Variants in PSMD14 observed in about 807,000 individuals in gnomAD.
The protein encoded by PSMD14 is ubiquitin C-terminal hydrolase PSMD14.
In PSMD14, 7 loss-of-function variants were observed where a neutral mutation model predicts 41.2. The ratio of observed to expected loss-of-function variants is 0.17; its 90% CI spans 0.10 to 0.32. The LOEUF (loss-of-function observed/expected upper bound fraction) is 0.32, where lower values mean the gene tolerates loss of function less well. Ranked by LOEUF, PSMD14 falls within the 10% of genes least tolerant of loss-of-function variation. PSMD14 has a pLI of 1.00. For synonymous variants in PSMD14, 114 were observed against 122.3 expected (o/e 0.93, Z 0.45); for missense variants, 139 against 375.6 (o/e 0.37, Z 5.21).
chr2:161,382,705 G>A (rs1683584202), intron 7 of PSMD14: 1 of 151,630 alleles, frequency 6.6e-6, no homozygotes, highest in Non-Finnish European at 1.5e-5. Context: ...TAGCTCAGAG[G>A]TTTTCGTTAT....
Position 161,411,488 on chromosome 2 carries a change from A to G in PSMD14, c.*88A>G. The G allele has an allele frequency of 2.3e-6, 2 of 875,728 alleles. No individual in the cohort carries two copies. The highest frequency in any genetic ancestry group is 2.1e-5 in the South Asian group (1 of 46,958). The allele number at this position is 875,728 out of a possible 1,614,324, so 54.2% of individuals were successfully genotyped here. On this transcript the variant is annotated 3_prime_UTR_variant, in exon 12 of 12. Coordinates refer to ENST00000409682, the MANE Select transcript of PSMD14 (RefSeq NM_005805.6). ...AAAATCAAGGGACCTCTGAAGGTGT[A>G]CTTGGCTAAATGTAAGACATCTGGC...
At chr2:161,323,612 A>C (rs1204781764) in intron 3 of PSMD14, among the ~76,000 whole-genome samples, 1 of 152,054 alleles carries the variant, frequency 6.6e-6, no homozygotes, top group East Asian at 1.9e-4. Context: ...GCAGTGAGCC[A>C]AGGTAGTACC....
intron 7 of PSMD14, among the ~76,000 whole-genome samples, chr2:161,377,478 A>G (rs1683519023): frequency 6.6e-6 from 1 of 151,918 alleles, no homozygotes; most frequent in Non-Finnish European, 1.5e-5. Context: ...TAATTTGCCT[A>G]TACTATTTAT....
intron 11 of PSMD14, 74 bp downstream of exon 11, chr2:161,408,973 C>G (rs1683991174): frequency 1.6e-6 from 2 of 1,250,322 alleles, no homozygotes; most frequent in South Asian, 1.4e-5. Flanking sequence ...GTTTTAGGGC[C>G]TATATAATTT....
intron 5 of PSMD14, 118 bp downstream of exon 5, chr2:161,368,021 A>T: frequency 1.7e-6 from 2 of 1,202,322 alleles, no homozygotes; most frequent in South Asian, 3.5e-5. Context: ...AAAATTAATC[A>T]TAAGTTTGAT....
intron 7 of PSMD14, among the ~76,000 whole-genome samples, chr2:161,375,835 G>A (rs1159839572): frequency 6.6e-6 from 1 of 151,686 alleles, no homozygotes; most frequent in East Asian, 1.9e-4. Flanking sequence ...AGTTTGAGAC[G>A]AGCCTGTGCG....
At chr2:161,341,869 A>AT (rs1559042630) in intron 3 of PSMD14, among the ~76,000 whole-genome samples, 3 of 137,262 alleles carry the variant, frequency 2.2e-5, no homozygotes, top group Non-Finnish European at 4.7e-5. Context: ...AATTAAAAAA[A>AT]ATATATATGT....
intron 3 of PSMD14, among the ~76,000 whole-genome samples, chr2:161,353,362 A>G (rs928945696): frequency 6.6e-6 from 1 of 152,204 alleles, no homozygotes; most frequent in African/African-American, 2.4e-5. Flanking sequence ...TTTAAAGATG[A>G]CCTTGCTTAT....
At chr2:161,331,061 A>G (rs1210860018) in intron 3 of PSMD14, among the ~76,000 whole-genome samples, 1 of 152,160 alleles carries the variant, frequency 6.6e-6, no homozygotes, top group Admixed American at 6.5e-5. Flanking sequence ...CTTCATAGGA[A>G]ACAACATATT....
chr2:161,372,724 C>T (rs1020294279), intron 7 of PSMD14, among the ~76,000 whole-genome samples: 4 of 151,824 alleles, frequency 2.6e-5, no homozygotes, highest in African/African-American at 9.7e-5. Flanking sequence ...ATATTTGATG[C>T]CTCTTAAGTT....
chr2:161,341,631 A>T (rs899904144), intron 3 of PSMD14, among the ~76,000 whole-genome samples: 5 of 151,486 alleles, frequency 3.3e-5, no homozygotes, highest in African/African-American at 1.2e-4. Context: ...CGAGGGCAGG[A>T]GATTGAGACC....
At chr2:161,310,879 G>A (rs765612101) in intron 1 of PSMD14, among the ~76,000 whole-genome samples, 1 of 152,176 alleles carries the variant, frequency 6.6e-6, no homozygotes, top group Non-Finnish European at 1.5e-5. Flanking sequence ...GTGTCAAGCT[G>A]CTTCTACCCA....
At chr2:161,407,451 A>G (rs1470187564) in intron 10 of PSMD14, 1 of 152,142 alleles carries the variant, frequency 6.6e-6, no homozygotes, top group African/African-American at 2.4e-5. Context: ...CAGTAGATAC[A>G]ATACCTATTC....
At chr2:161,327,188 A>G (rs542981696) in intron 3 of PSMD14, among the ~76,000 whole-genome samples, 1 of 152,298 alleles carries the variant, frequency 6.6e-6, no homozygotes, top group African/African-American at 2.4e-5. Context: ...TAGAAAGCAG[A>G]ATGGTAGTTG....
intron 3 of PSMD14, among the ~76,000 whole-genome samples, chr2:161,363,205 A>G (rs1289271259): frequency 1.3e-5 from 2 of 152,194 alleles, no homozygotes; most frequent in African/African-American, 4.8e-5. Flanking sequence ...CTGAGGTGAA[A>G]CAGTTTCATC....
At chr2:161,357,308 A>C (rs1325788038) in intron 3 of PSMD14, among the ~76,000 whole-genome samples, 2 of 152,120 alleles carry the variant, frequency 1.3e-5, no homozygotes, top group Non-Finnish European at 2.9e-5. Context: ...AATTCATAAC[A>C]GGTTTTATAT....
chr2:161,316,845 C>T (rs1190076666), intron 2 of PSMD14, among the ~76,000 whole-genome samples: 1 of 152,066 alleles, frequency 6.6e-6, no homozygotes, highest in African/African-American at 2.4e-5. Context: ...ACAAATTTGA[C>T]CTGCCAGATT....
At chr2:161,327,538 T>C (rs1344265735) in intron 3 of PSMD14, among the ~76,000 whole-genome samples, 2 of 152,136 alleles carry the variant, frequency 1.3e-5, no homozygotes, top group East Asian at 1.9e-4. Flanking sequence ...CCCCCATTTT[T>C]TGGGGCAGAA....
chr2:161,374,438 T>G (rs1683478263), intron 7 of PSMD14, among the ~76,000 whole-genome samples: 1 of 151,978 alleles, frequency 6.6e-6, no homozygotes, highest in African/African-American at 2.4e-5. Flanking sequence ...AAATACACTA[T>G]ATGATAAAGA....
Sources: gnomAD v4.1 joint callset for allele counts (sites outside exome capture counted in the v4.1 genomes callset) on GRCh38, gnomAD v4.1.1 for gene constraint, MANE v1.5 for transcripts, NCBI Gene and HGNC (gene_info 2026-07-23, HGNC 2026-07-21) for gene names.